The following MAP3K15 variants were observed in gnomAD, a reference collection of about 807,000 sequenced individuals.
The protein encoded by MAP3K15 is mitogen-activated protein kinase kinase kinase 15, also known as MAPK/ERK kinase kinase 15.
In MAP3K15, 124 loss-of-function variants were observed where a neutral mutation model predicts 99.5. That is an observed-to-expected ratio of 1.25 (90% CI 1.08 to 1.45). The LOEUF is 1.45. Ranked by LOEUF, MAP3K15 falls within the 40% of genes most tolerant of loss-of-function variation. The probability of loss-of-function intolerance (pLI) is 0.00; values close to 1 mark genes in which losing one functional copy is unlikely to be tolerated. For missense variants in MAP3K15, 1,242 were observed against 1,079.7 expected (o/e 1.15, Z -2.11); for synonymous variants, 494 against 439.6 (o/e 1.12, Z -1.55).
At chrX:19,467,023 G>A (rs758880577) in intron 3 of MAP3K15, among the ~76,000 whole-genome samples, 206 of 111,031 alleles carry the variant, frequency 1.9e-3, no homozygotes, top group Non-Finnish European at 3.4e-3. Flanking sequence ...TAGCTCATCA[G>A]CTATTGTTAG....
chrX:19,403,159 G>A (rs2063621083), intron 13 of MAP3K15, among the ~76,000 whole-genome samples: 1 of 111,206 alleles, frequency 9.0e-6, no homozygotes. Flanking sequence ...GCAGGTACAA[G>A]AATGTATATA....
intron 18 of MAP3K15, among the ~76,000 whole-genome samples, chrX:19,384,557 C>G (rs1414180124): frequency 9.3e-6 from 1 of 107,666 alleles, no homozygotes; most frequent in Non-Finnish European, 1.9e-5. Context: ...CTGGGCAACA[C>G]AGCGAAACCC....
intron 10 of MAP3K15, among the ~76,000 whole-genome samples, chrX:19,414,051 C>T (rs2063712525): frequency 9.3e-6 from 1 of 107,724 alleles, no homozygotes; most frequent in Non-Finnish European, 1.9e-5. Flanking sequence ...ATCCCAGCTA[C>T]TCAGGAGGCT....
chrX:19,429,392 C>T (rs1026142136), intron 7 of MAP3K15, among the ~76,000 whole-genome samples: 1 of 110,198 alleles, frequency 9.1e-6, no homozygotes, highest in African/African-American at 3.3e-5. Flanking sequence ...AAAGAAGGCT[C>T]GCAGAAGGGC....
At chrX:19,511,956 T>G (rs5955809) in intron 1 of MAP3K15, among the ~76,000 whole-genome samples, 30,954 of 111,098 alleles carry the variant, frequency 0.28, 4,500 homozygotes, top group African/African-American at 0.57. Context: ...AAGAAAATGT[T>G]GCACATATAC....
At chrX:19,416,951 G>A (rs1046029196) in intron 9 of MAP3K15, among the ~76,000 whole-genome samples, 1 of 111,725 alleles carries the variant, frequency 9.0e-6, no homozygotes, top group Non-Finnish European at 1.9e-5. Flanking sequence ...GTTATTTTGA[G>A]GTAATTTTAG....
intron 12 of MAP3K15, among the ~76,000 whole-genome samples, chrX:19,407,713 A>G (rs1226697339): frequency 8.9e-6 from 1 of 112,564 alleles, no homozygotes; most frequent in African/African-American, 3.2e-5. Flanking sequence ...GGAAATGGAA[A>G]TAAACATGGC....
At chrX:19,405,544 G>T (rs955048600) in intron 13 of MAP3K15, among the ~76,000 whole-genome samples, 2 of 112,288 alleles carry the variant, frequency 1.8e-5, no homozygotes, top group Non-Finnish European at 3.8e-5. Context: ...TCCTGGATTG[G>T]AACGTGGACC....
In MAP3K15 at chrX:19,472,181, G is replaced by A. The variant is rs181239442; in HGVS notation, c.526-7775C>T. Among the ~76,000 whole-genome samples, 25 of 109,245 alleles carry A rather than the reference G, an allele frequency of 2.3e-4. No individual in the cohort carries two copies. The East Asian group carries it at 6.6e-3, about 29-fold the overall frequency. 94.9% of individuals were successfully genotyped at this position (109,245 alleles called of 115,157 possible). ...GGAGCTTGCAGTGAGCTGAGATCGC[G>A]CCACAGCACTCCAGCCTGGGCCATA... On this transcript the variant is annotated intron_variant, in intron 3 of 28. Coordinates refer to ENST00000338883, the MANE Select transcript of MAP3K15 (RefSeq NM_001001671.4).
intron 18 of MAP3K15, among the ~76,000 whole-genome samples, chrX:19,382,670 G>T (rs888565907): frequency 1.8e-5 from 2 of 111,749 alleles, no homozygotes; most frequent in South Asian, 3.8e-4. Context: ...TTGCAGAGTT[G>T]GGCAACATGG....
intron 14 of MAP3K15, 55 bp from the exon 15 acceptor site, chrX:19,398,414 C>T (rs141009938): frequency 2.4e-5 from 28 of 1,151,395 alleles, no homozygotes; most frequent in Non-Finnish European, 3.2e-5. Flanking sequence ...GCGGAGAAGC[C>T]CTCTAAGGCC....
chrX:19,474,562 A>T (rs1312469704), intron 3 of MAP3K15, among the ~76,000 whole-genome samples: 2 of 102,271 alleles, frequency 2.0e-5, no homozygotes, highest in African/African-American at 7.2e-5. Flanking sequence ...GGGTCTGTGA[A>T]CTTGAAAGAG....
At chrX:19,372,229 T>G (rs2063381011) in intron 22 of MAP3K15, among the ~76,000 whole-genome samples, 1 of 111,199 alleles carries the variant, frequency 9.0e-6, no homozygotes. Flanking sequence ...CAAAATCAGT[T>G]ATTTTCACCC....
chrX:19,475,376 C>T (rs1357637180), intron 3 of MAP3K15, among the ~76,000 whole-genome samples: 3 of 111,298 alleles, frequency 2.7e-5, no homozygotes, highest in Non-Finnish European at 3.8e-5. Flanking sequence ...TTTCCTCGCT[C>T]GCTGCTCACC....
chrX:19,454,525 G>C (rs1002261521), intron 6 of MAP3K15, among the ~76,000 whole-genome samples: 2 of 111,690 alleles, frequency 1.8e-5, no homozygotes, highest in African/African-American at 6.5e-5. Context: ...ATCAGGGAAA[G>C]CTGACCGGCT....
intron 19 of MAP3K15, among the ~76,000 whole-genome samples, chrX:19,379,188 T>G (rs1337273598): frequency 9.0e-6 from 1 of 111,121 alleles, no homozygotes. Context: ...TTTAAACGGC[T>G]AAATAAGACT....
chrX:19,428,366 C>T (rs1048818583), intron 7 of MAP3K15, among the ~76,000 whole-genome samples: 2 of 111,937 alleles, frequency 1.8e-5, no homozygotes, highest in African/African-American at 6.5e-5. Context: ...CTGAATTCCC[C>T]ACCACCATAG....
intron 3 of MAP3K15, among the ~76,000 whole-genome samples, chrX:19,467,599 T>A (rs1216259128): frequency 9.1e-6 from 1 of 109,292 alleles, no homozygotes; most frequent in Admixed American, 9.9e-5. Flanking sequence ...AAACCCCCTC[T>A]CTACTAAAAA....
rs371493839 is a variant in MAP3K15, at chrX:19,514,881, G to A, written c.361+20C>T. On this transcript the variant is annotated intron_variant, in intron 1 of 28. Coordinates refer to ENST00000338883, the MANE Select transcript of MAP3K15 (RefSeq NM_001001671.4). ...AGGGTAGGTGAACTGGGACTGAGGT[G>A]GGGACGAAGCCGCTCTCACCTGCGT... 1.9e-6 allele frequency: 2 copies of A among 1,033,742 alleles called. No individual in the cohort carries two copies. Among genetic ancestry groups the A allele is most frequent in the South Asian group, 2.1e-5 (1 of 47,253 alleles). The allele number at this position is 1,033,742 out of a possible 1,213,427, so 85.2% of individuals were successfully genotyped here. A position where few individuals can be genotyped will look rare whatever the true frequency, so the allele number is the denominator to read the frequency against.
Sources: gnomAD v4.1 joint callset for allele counts (sites outside exome capture counted in the v4.1 genomes callset) on GRCh38, gnomAD v4.1.1 for gene constraint, MANE v1.5 for transcripts, NCBI Gene and HGNC (gene_info 2026-07-23, HGNC 2026-07-21) for gene names.